Variants in ATP11A observed in about 807,000 individuals in gnomAD.
ATP11A encodes the protein phospholipid-transporting ATPase IH.
ATP11A carries 81 observed loss-of-function variants against 154.4 expected under a neutral mutation model. The observed-to-expected ratio is 0.52, with a 90% confidence interval of 0.44 to 0.63. ATP11A has a LOEUF of 0.63. Among genes scored for constraint, ATP11A ranks in the 30% least tolerant of loss-of-function variants. ATP11A has a pLI of 0.00. For missense variants in ATP11A, 1,316 were observed against 1,474.3 expected, an observed-to-expected ratio of 0.89 and a Z score of 1.76; for synonymous variants, 623 against 585.9, an observed-to-expected ratio of 1.06 and a Z score of -0.91.
At chr13:112,849,794 C>T (rs774687701) in intron 17 of ATP11A, among the ~76,000 whole-genome samples, 2 of 152,216 alleles carry the variant, frequency 1.3e-5, no homozygotes, top group Non-Finnish European at 2.9e-5. Context: ...GAGGCAAACC[C>T]GTGAGCAGAA....
chr13:112,837,086 T>G (rs2079257835), intron 16 of ATP11A, among the ~76,000 whole-genome samples: 1 of 152,234 alleles, frequency 6.6e-6, no homozygotes, highest in Admixed American at 6.5e-5. Context: ...GGCTTGAACG[T>G]GCAGGCGCCC....
chr13:112,807,916 G>T lies in ATP11A; in HGVS notation c.333+1623G>T, dbSNP rs1441315204. Among the ~76,000 whole-genome samples the T allele has an allele frequency of 6.6e-6, 1 of 152,150 alleles. No individual in the cohort carries two copies. The highest frequency in any genetic ancestry group is 1.5e-5 in the Non-Finnish European group (1 of 68,026). On this transcript the variant is annotated intron_variant, in intron 4 of 29. Transcript: ENST00000375645. This position sits in a 1 kb window ranked among gnomAD's most constrained non-coding sequence, Gnocchi z 4.5. ...TTTCCAGCCTGGCCCCAGGAGGCAGGCGTAGCACTGTTCTTCAGCGTCCTC... is the reference window on the plus strand; with the variant it reads ...TTTCCAGCCTGGCCCCAGGAGGCAGTCGTAGCACTGTTCTTCAGCGTCCTC...
intron 1 of ATP11A, among the ~76,000 whole-genome samples, chr13:112,707,889 G>C (rs1239641659): frequency 6.6e-6 from 1 of 152,148 alleles, no homozygotes; most frequent in East Asian, 1.9e-4. Context: ...GTGCCGGTCT[G>C]ATCCACCACA....
At chr13:112,775,838 G>A (rs1393738236) in intron 1 of ATP11A, among the ~76,000 whole-genome samples, 3 of 152,206 alleles carry the variant, frequency 2.0e-5, no homozygotes, top group Non-Finnish European at 2.9e-5. Flanking sequence ...CAGGGCGGGC[G>A]CGACTTAGTT....
At chr13:112,752,492 G>A (rs1347978888) in intron 1 of ATP11A, among the ~76,000 whole-genome samples, 3 of 152,272 alleles carry the variant, frequency 2.0e-5, no homozygotes, top group South Asian at 2.1e-4. Context: ...GCCCCTGTGC[G>A]GAGCGGGCTG....
chr13:112,724,959 CCT>C (rs1171464944), intron 1 of ATP11A, among the ~76,000 whole-genome samples: 2 of 152,200 alleles, frequency 1.3e-5, no homozygotes, highest in African/African-American at 2.4e-5. Flanking sequence ...CCTGTGGTCC[CCT>C]GTGTGGGCTG....
At chr13:112,758,344 G>C (rs1180797330) in intron 1 of ATP11A, among the ~76,000 whole-genome samples, 1 of 152,084 alleles carries the variant, frequency 6.6e-6, no homozygotes, top group Non-Finnish European at 1.5e-5. Flanking sequence ...TTACAGGCTT[G>C]AGCCACCACA....
chr13:112,777,712 T>A (rs1305964198), intron 1 of ATP11A, among the ~76,000 whole-genome samples: 4 of 152,222 alleles, frequency 2.6e-5, no homozygotes, highest in Non-Finnish European at 5.9e-5. Flanking sequence ...CCCCTCCCGC[T>A]GGAAGGTGGG....
chr13:112,740,154 A>C (rs56728206), intron 1 of ATP11A, among the ~76,000 whole-genome samples: 32,121 of 139,036 alleles, frequency 0.23, 3,442 homozygotes, highest in South Asian at 0.32. Flanking sequence ...CTCTCTATAT[A>C]TATATATATA....
In ATP11A at chr13:112,785,238, A is replaced by G; in HGVS notation, c.143A>G (p.Asn48Ser). ...TACATCCCACAGAGATACCCAGACA[A>G]CAGGATCGTCTCGTCCAAGGTAACT... is the stretch of plus-strand genomic sequence containing the variant. ...EAYIPQRYPDNRIVSSKYTFW... is the reference protein window; with the variant it reads ...EAYIPQRYPDSRIVSSKYTFW... Residue 48 changes from asparagine (N) to serine (S), a missense_variant, in exon 2 of 30, where the codon AAC becomes AGC. Transcript: ENST00000375645. The surrounding 1 kb of genome is among the most constrained non-coding windows in gnomAD (Gnocchi z 4.8). 6.5e-7 allele frequency: 1 copy of G among 1,544,402 alleles called. No homozygotes were observed. The highest frequency in any genetic ancestry group is 8.7e-7 in the Non-Finnish European group (1 of 1,146,794).
At chr13:112,694,130 G>A (rs1451600832) in intron 1 of ATP11A, among the ~76,000 whole-genome samples, 1 of 152,208 alleles carries the variant, frequency 6.6e-6, no homozygotes, top group Non-Finnish European at 1.5e-5. Context: ...CCTGAATGCT[G>A]AGTGGGAGCC....
At chr13:112,766,466 C>T (rs2077079085) in intron 1 of ATP11A, among the ~76,000 whole-genome samples, 1 of 152,162 alleles carries the variant, frequency 6.6e-6, no homozygotes, top group Non-Finnish European at 1.5e-5. Context: ...CCTCTCTTTC[C>T]CAGACTGTCC....
chr13:112,823,261 G>C, intron 8 of ATP11A, 84 bp from the exon 9 acceptor site: 2 of 972,660 alleles, frequency 2.1e-6, no homozygotes, highest in Non-Finnish European at 3.3e-6. Context: ...GAGCAAACAA[G>C]TGGGTTTCAC....
rs1415792721 is a variant in ATP11A at position 112,851,084 on chromosome 13, A to G, written c.1857A>G (p.Glu619=). The change falls in exon 18 of 30, where the codon GAA becomes GAG. Residue 619 remains glutamate, a synonymous_variant. Transcript: ENST00000375645. ...LCVAYKRLIQ[E]EYEGICKLLQ... is the part of the protein sequence containing the mutation. ...TTGCTTATAAAAGGCTGATCCAAGA[A>G]GAATATGAAGGCATTTGTAAGCTGC... 2 of 1,614,248 alleles carry G rather than the reference A, an allele frequency of 1.2e-6. No individual in the cohort carries two copies. Among genetic ancestry groups the G allele is most frequent in the Non-Finnish European group, 8.5e-7 (1 of 1,180,042 alleles).
At chr13:112,826,196 C>A (rs1316617477) in intron 11 of ATP11A, among the ~76,000 whole-genome samples, 1 of 152,240 alleles carries the variant, frequency 6.6e-6, no homozygotes, top group African/African-American at 2.4e-5. Context: ...CCTGTGTCCC[C>A]TCCGTCCAGA....
intron 12 of ATP11A, among the ~76,000 whole-genome samples, chr13:112,827,504 G>A (rs1370404656): frequency 2.0e-5 from 3 of 152,210 alleles, no homozygotes; most frequent in Non-Finnish European, 4.4e-5. Context: ...CCGCACCACC[G>A]GGAGGCACAC....
chr13:112,878,560 T>G, intron 29 of ATP11A: 1 of 560,524 alleles, frequency 1.8e-6, no homozygotes, highest in Non-Finnish European at 3.2e-6. Context: ...CCCACCTGTG[T>G]GAGGGTTCAG....
rs532372145 is a variant in ATP11A, at chr13:112,875,049, C to G, written c.3162-727C>G. Among the ~76,000 whole-genome samples the G allele has an allele frequency of 1.1e-3, 167 of 152,346 alleles. 1 individual carries two copies. Among genetic ancestry groups the G allele is most frequent in the Middle Eastern group, 3.4e-3 (1 of 294 alleles). On this transcript the variant is annotated intron_variant, in intron 27 of 29. Transcript: ENST00000375645. This position sits in a 1 kb window ranked among gnomAD's most constrained non-coding sequence, Gnocchi z 4.1. ...TGAGACCCCATCCTCCTGCCCGCCA[C>G]CAGCACCACGTGGGTGCCCCCAGCC...
intron 17 of ATP11A, among the ~76,000 whole-genome samples, chr13:112,844,716 C>G (rs967774992): frequency 6.8e-6 from 1 of 146,108 alleles, no homozygotes; most frequent in Non-Finnish European, 1.5e-5. Context: ...ACTAGTTCAG[C>G]GGCCGCTAGT....
Sources: gnomAD v4.1 joint callset for allele counts (sites outside exome capture counted in the v4.1 genomes callset) on GRCh38, gnomAD v4.1.1 for gene constraint, Gnocchi (gnomAD v3.1) non-coding constraint, MANE v1.5 for transcripts, NCBI Gene and HGNC (gene_info 2026-07-23, HGNC 2026-07-21) for gene names.